Variants in KPNA1 observed in about 807,000 individuals in gnomAD.
KPNA1 encodes the protein karyopherin subunit alpha 1.
KPNA1 carries 10 observed loss-of-function variants against 70.5 expected under a neutral mutation model. That is an observed-to-expected ratio of 0.14 (90% CI 0.09 to 0.24). KPNA1 has a LOEUF of 0.24. Among genes scored for constraint, KPNA1 ranks in the 10% least tolerant of loss-of-function variants. The probability of loss-of-function intolerance (pLI) is 1.00; values close to 1 mark genes in which losing one functional copy is unlikely to be tolerated. For synonymous variants in KPNA1, 192 were observed against 221.9 expected (o/e 0.87, Z 1.20); for missense variants, 397 against 637.9 (o/e 0.62, Z 4.07).
intron 1 of KPNA1, among the ~76,000 whole-genome samples, chr3:122,504,649 C>T (rs540143142): frequency 6.6e-5 from 10 of 151,990 alleles, no homozygotes; most frequent in East Asian, 3.9e-4. Context: ...TGTGTGTGTG[C>T]GTGTGTCTGC....
chr3:122,483,390 G>A (rs2076593628), intron 2 of KPNA1, among the ~76,000 whole-genome samples: 2 of 152,054 alleles, frequency 1.3e-5, no homozygotes, highest in East Asian at 1.9e-4. Flanking sequence ...TGTTGCCGAG[G>A]CTGGAGTACA....
chr3:122,460,395 T>C, intron 5 of KPNA1: 1 of 842,492 alleles, frequency 1.2e-6, no homozygotes, highest in Non-Finnish European at 1.4e-6. Context: ...CCCAGCACTT[T>C]GGGAGGCCAA....
chr3:122,443,569 C>A (rs1396907332), intron 9 of KPNA1, among the ~76,000 whole-genome samples: 1 of 152,122 alleles, frequency 6.6e-6, no homozygotes, highest in Non-Finnish European at 1.5e-5. Flanking sequence ...AATGTAGGTT[C>A]TTTTCTATTT....
At chr3:122,475,090 C>T (rs540336067) in intron 2 of KPNA1, among the ~76,000 whole-genome samples, 1 of 152,190 alleles carries the variant, frequency 6.6e-6, no homozygotes, top group African/African-American at 2.4e-5. Context: ...GAAGACATAT[C>T]TTACATGGAA....
chr3:122,482,318 A>ACAT (rs2076580709), intron 2 of KPNA1, among the ~76,000 whole-genome samples: 1 of 152,188 alleles, frequency 6.6e-6, no homozygotes, highest in Admixed American at 6.5e-5. Context: ...TTATGGGACC[A>ACAT]CATCATATAT....
intron 9 of KPNA1, among the ~76,000 whole-genome samples, chr3:122,445,677 C>A (rs543111646): frequency 2.6e-5 from 4 of 152,166 alleles, no homozygotes; most frequent in African/African-American, 7.2e-5. Flanking sequence ...ACAATAATAA[C>A]CTTAATTGTA....
intron 9 of KPNA1, among the ~76,000 whole-genome samples, chr3:122,448,957 A>G (rs746484833): frequency 1.3e-5 from 2 of 152,230 alleles, no homozygotes; most frequent in Non-Finnish European, 2.9e-5. Flanking sequence ...TTAATACATT[A>G]TAACTATCTA....
chr3:122,431,122 G>T (rs1222914657), intron 12 of KPNA1, among the ~76,000 whole-genome samples: 3 of 152,086 alleles, frequency 2.0e-5, no homozygotes, highest in Non-Finnish European at 4.4e-5. Flanking sequence ...ATTAACATTT[G>T]ATTATATTCA....
chr3:122,453,690 C>T (rs1336616683), intron 6 of KPNA1, among the ~76,000 whole-genome samples, 180 bp downstream of exon 6: 3 of 152,136 alleles, frequency 2.0e-5, no homozygotes, highest in East Asian at 1.9e-4. Context: ...ACACGTACCA[C>T]CATGCCCGGC....
At chr3:122,503,070 C>T (rs185489159) in intron 1 of KPNA1, among the ~76,000 whole-genome samples, 1 of 152,104 alleles carries the variant, frequency 6.6e-6, no homozygotes, top group Admixed American at 6.5e-5. Flanking sequence ...TGAGCAAAAT[C>T]CCATCTCAAA....
Position 122,449,593 on chromosome 3 carries a change from T to C in KPNA1, c.898A>G (p.Arg300Gly). The C allele has an allele frequency of 6.2e-7, 1 of 1,612,152 alleles. No homozygotes were observed. The highest frequency in any genetic ancestry group is 1.1e-5 in the South Asian group (1 of 90,488). The change falls in exon 9 of 14, where the codon AGA becomes GGA. Residue 300 changes from arginine to glycine, a missense_variant. Coordinates refer to ENST00000344337, the MANE Select transcript of KPNA1 (RefSeq NM_002264.4). ...TCTTACATCAGCAGTTCCACAAGTC[T>C]CCTACATACTCCCGCATCGATGACC... Reference protein sequence around the residue: ...QAVIDAGVCRRLVELLMHNDY... With the variant: ...QAVIDAGVCRGLVELLMHNDY...
chr3:122,494,248 C>G (rs2076732264), intron 2 of KPNA1, among the ~76,000 whole-genome samples: 1 of 152,106 alleles, frequency 6.6e-6, no homozygotes, highest in Admixed American at 6.6e-5. Flanking sequence ...CCCAGGTTTT[C>G]TTCTAGGATT....
intron 8 of KPNA1, among the ~76,000 whole-genome samples, chr3:122,450,552 A>C (rs1212661831): frequency 6.6e-6 from 1 of 152,250 alleles, no homozygotes; most frequent in African/African-American, 2.4e-5. Flanking sequence ...ACTGCACTTC[A>C]GCCTGGGCAA....
At chr3:122,488,389 G>A (rs552104405) in intron 2 of KPNA1, among the ~76,000 whole-genome samples, 2 of 152,082 alleles carry the variant, frequency 1.3e-5, no homozygotes, top group East Asian at 3.9e-4. Context: ...AGATGTAGTG[G>A]TGCGTGCCTG....
rs750175433 is a variant in KPNA1 at position 122,451,943 on chromosome 3, G to GA, written c.653+32dup. 1,265 of 1,294,946 alleles carry GA rather than the reference G, an allele frequency of 9.8e-4. 1 individual carries two copies. Among genetic ancestry groups the GA allele is most frequent in the Middle Eastern group, 1.5e-3 (8 of 5,364 alleles). 80.2% of individuals were successfully genotyped at this position (1,294,946 alleles called of 1,614,324 possible). A position where few individuals can be genotyped will look rare whatever the true frequency, so the allele number is the denominator to read the frequency against. On this transcript the variant is annotated intron_variant, in intron 7 of 13. Coordinates refer to ENST00000344337, the MANE Select transcript of KPNA1 (RefSeq NM_002264.4). Reference sequence around the variant, plus strand: ...TCTCTTACATTTTTATTCTCAAAAAGAAAAAAAAAGGAAGAAGGAAGAAGA... The same window carrying GA: ...TCTCTTACATTTTTATTCTCAAAAAGAAAAAAAAAAGGAAGAAGGAAGAAGA...
At chr3:122,474,730 A>G (rs1171268958) in intron 2 of KPNA1, among the ~76,000 whole-genome samples, 3 of 152,188 alleles carry the variant, frequency 2.0e-5, no homozygotes, top group African/African-American at 7.2e-5. Context: ...TATGAATGTG[A>G]ATCACATTAA....
intron 1 of KPNA1, among the ~76,000 whole-genome samples, chr3:122,501,011 T>A (rs1211152801): frequency 1.4e-5 from 2 of 147,244 alleles, no homozygotes; most frequent in African/African-American, 5.0e-5. Context: ...TTGAGATCTT[T>A]CTTCTTTTCT....
At chr3:122,431,804 TC>T (rs2075913126) in intron 12 of KPNA1, among the ~76,000 whole-genome samples, 1 of 136,816 alleles carries the variant, frequency 7.3e-6, no homozygotes, top group African/African-American at 3.0e-5. Context: ...TTCTTCTTCT[TC>T]TTTTTTTTTT....
chr3:122,513,312 T>C (rs189740258), intron 1 of KPNA1, among the ~76,000 whole-genome samples: 7 of 152,314 alleles, frequency 4.6e-5, no homozygotes, highest in African/African-American at 1.7e-4. Flanking sequence ...AAGAACTCAA[T>C]AAATGTTAAT....
Sources: gnomAD v4.1 joint callset for allele counts (sites outside exome capture counted in the v4.1 genomes callset) on GRCh38, gnomAD v4.1.1 for gene constraint, MANE v1.5 for transcripts, NCBI Gene and HGNC (gene_info 2026-07-23, HGNC 2026-07-21) for gene names.